The following PPP3R1 variants were observed in gnomAD, a reference collection of about 807,000 sequenced individuals.
PPP3R1 encodes the protein calcineurin subunit B type 1.
Under a neutral mutation model 22.6 loss-of-function variants are expected in PPP3R1, and 5 were observed. That is an observed-to-expected ratio of 0.22 (90% CI 0.12 to 0.46). The LOEUF (loss-of-function observed/expected upper bound fraction) is 0.46. Among genes scored for constraint, PPP3R1 ranks in the 20% least tolerant of loss-of-function variants. The pLI is 0.99. For missense variants in PPP3R1, 61 were observed against 203.2 expected, an observed-to-expected ratio of 0.30 and a Z score of 4.25; for synonymous variants, 56 against 65.2, an observed-to-expected ratio of 0.86 and a Z score of 0.68.
At chr2:68,195,758 G>T (rs1038383909) in intron 2 of PPP3R1, among the ~76,000 whole-genome samples, 3 of 151,978 alleles carry the variant, frequency 2.0e-5, no homozygotes, top group African/African-American at 7.3e-5. Flanking sequence ...ACATCAGCAT[G>T]GACTCATGAG....
At chr2:68,189,359 A>G (rs552538865) in intron 2 of PPP3R1, among the ~76,000 whole-genome samples, 65 of 152,338 alleles carry the variant, frequency 4.3e-4, no homozygotes, top group Admixed American at 1.6e-3. Flanking sequence ...AACACTTTAA[A>G]AGAGAAAGAA....
chr2:68,231,588 C>G (rs1193509771), intron 1 of PPP3R1, among the ~76,000 whole-genome samples: 3 of 152,134 alleles, frequency 2.0e-5, no homozygotes, highest in Non-Finnish European at 2.9e-5. Flanking sequence ...TTCACATGTA[C>G]AAGTAGTGCT....
At chr2:68,245,775 C>T (rs1000822397) in intron 1 of PPP3R1, among the ~76,000 whole-genome samples, 1 of 152,202 alleles carries the variant, frequency 6.6e-6, no homozygotes, top group African/African-American at 2.4e-5. Context: ...ATCAATGGTT[C>T]CCCAATGGGA....
intron 2 of PPP3R1, among the ~76,000 whole-genome samples, chr2:68,198,296 T>A (rs1333825929): frequency 7.0e-6 from 1 of 141,944 alleles, no homozygotes; most frequent in Non-Finnish European, 1.5e-5. Flanking sequence ...TGTATACACA[T>A]GTATACATGT....
chr2:68,220,687 A>G (rs1669672264), intron 1 of PPP3R1, among the ~76,000 whole-genome samples: 2 of 152,266 alleles, frequency 1.3e-5, no homozygotes, highest in Admixed American at 1.3e-4. Flanking sequence ...ATGACATCCA[A>G]TATAAAACAT....
chr2:68,211,772 C>G (rs1669492496), intron 2 of PPP3R1, among the ~76,000 whole-genome samples: 1 of 152,222 alleles, frequency 6.6e-6, no homozygotes, highest in Admixed American at 6.5e-5. Flanking sequence ...AGCATCTTCA[C>G]TAGTGGACTC....
At chr2:68,190,741 T>G (rs1029770720) in intron 2 of PPP3R1, among the ~76,000 whole-genome samples, 10 of 152,192 alleles carry the variant, frequency 6.6e-5, no homozygotes, top group Non-Finnish European at 1.5e-4. Context: ...GAAGACAATT[T>G]CTTTTGTTTT....
intron 1 of PPP3R1, among the ~76,000 whole-genome samples, chr2:68,223,465 A>T (rs1303574007): frequency 6.6e-6 from 1 of 152,216 alleles, no homozygotes; most frequent in African/African-American, 2.4e-5. Flanking sequence ...AAAAATCCTT[A>T]AAAATATCTT....
chr2:68,200,773 C>T (rs908953911), intron 2 of PPP3R1, among the ~76,000 whole-genome samples: 3 of 152,196 alleles, frequency 2.0e-5, no homozygotes, highest in African/African-American at 7.2e-5. Context: ...TAAGAGTCTT[C>T]CCACTCTAGA....
chr2:68,180,758 G>C lies in PPP3R1; in HGVS notation c.*205C>G, dbSNP rs972551487. The C allele has an allele frequency of 3.8e-6, 2 of 524,572 alleles. No individual in the cohort carries two copies. Among genetic ancestry groups the C allele is most frequent in the Non-Finnish European group, 6.8e-6 (2 of 296,178 alleles). The allele number at this position is 524,572 out of a possible 1,614,324, so 32.5% of individuals were successfully genotyped here. On this transcript the variant is annotated 3_prime_UTR_variant, in exon 6 of 6. Coordinates refer to ENST00000234310, the MANE Select transcript of PPP3R1 (RefSeq NM_000945.4). ...GCTCTTTTCATGTTGCTGTCCTTCA[G>C]ACTTTAAAGTGCTACACTGAGTTAT...
chr2:68,203,894 C>T (rs1392158520), intron 2 of PPP3R1, among the ~76,000 whole-genome samples: 1 of 152,176 alleles, frequency 6.6e-6, no homozygotes, highest in Non-Finnish European at 1.5e-5. Context: ...CCTTCAGAGT[C>T]TGCCAAGCTC....
chr2:68,234,185 TA>T (rs1257444970), intron 1 of PPP3R1, among the ~76,000 whole-genome samples: 1 of 151,388 alleles, frequency 6.6e-6, no homozygotes, highest in South Asian at 2.1e-4. Flanking sequence ...CTAGTAAAAA[TA>T]AAAAAAATTA....
chr2:68,232,225 G>GTATATATATACATA (rs1558641460), intron 1 of PPP3R1, among the ~76,000 whole-genome samples: 1 of 76,116 alleles, frequency 1.3e-5, no homozygotes, highest in Non-Finnish European at 2.4e-5. Flanking sequence ...ATGTATATAT[G>GTATATATATACATA]TGTGTGTGTG....
chr2:68,181,587 C>T (rs1674403027), intron 5 of PPP3R1, among the ~76,000 whole-genome samples: 1 of 112,858 alleles, frequency 8.9e-6, no homozygotes, highest in Non-Finnish European at 1.7e-5. Flanking sequence ...GTTTCTTTCA[C>T]ATTTTCCTTT....
chr2:68,210,857 AAT>A (rs1669464787), intron 2 of PPP3R1, among the ~76,000 whole-genome samples: 1 of 152,210 alleles, frequency 6.6e-6, no homozygotes, highest in Admixed American at 6.5e-5. Context: ...ATGCAAAAGA[AAT>A]GTTTTTTGGA....
intron 1 of PPP3R1, among the ~76,000 whole-genome samples, chr2:68,219,671 G>C (rs1669647912): frequency 6.6e-6 from 1 of 152,168 alleles, no homozygotes. Flanking sequence ...AATAGCTCCA[G>C]TCTAGGGTTG....
intron 5 of PPP3R1, among the ~76,000 whole-genome samples, chr2:68,181,398 A>C (rs987835366): frequency 2.0e-5 from 3 of 151,900 alleles, no homozygotes; most frequent in Non-Finnish European, 4.4e-5. Context: ...ATCTCAAAAA[A>C]AAAAAAAAAA....
At chr2:68,223,861 G>T (rs770414599) in intron 1 of PPP3R1, among the ~76,000 whole-genome samples, 11 of 149,612 alleles carry the variant, frequency 7.4e-5, no homozygotes, top group Non-Finnish European at 1.0e-4. Context: ...ACTGCCTTTC[G>T]TTGCAGATGA....
chr2:68,190,497 C>T (rs1018132224), intron 2 of PPP3R1, among the ~76,000 whole-genome samples: 22 of 151,904 alleles, frequency 1.4e-4, no homozygotes, highest in Non-Finnish European at 2.4e-4. Flanking sequence ...ACCTGGGAGG[C>T]GGAGGTTGCA....
Sources: gnomAD v4.1 joint callset for allele counts (sites outside exome capture counted in the v4.1 genomes callset) on GRCh38, gnomAD v4.1.1 for gene constraint, MANE v1.5 for transcripts, NCBI Gene and HGNC (gene_info 2026-07-23, HGNC 2026-07-21) for gene names.